The following CSNK1G3 variants were observed in gnomAD, a reference collection of about 807,000 sequenced individuals.
CSNK1G3 encodes casein kinase 1 gamma 3.
In CSNK1G3, 23 loss-of-function variants were observed where a neutral mutation model predicts 64.3. That is an observed-to-expected ratio of 0.36 (90% CI 0.26 to 0.51). The LOEUF is 0.51. CSNK1G3 is among the 20% of genes least tolerant of loss of function. The pLI is 0.96. For synonymous variants in CSNK1G3, 158 were observed against 162.2 expected (o/e 0.97, Z 0.20); for missense variants, 357 against 510.5 (o/e 0.70, Z 2.90).
intron 1 of CSNK1G3, among the ~76,000 whole-genome samples, chr5:123,516,713 A>ATGAG (rs1347301318): frequency 6.6e-6 from 1 of 152,194 alleles, no homozygotes; most frequent in Non-Finnish European, 1.5e-5. Context: ...TTGAAAATTT[A>ATGAG]TGAGTAAGTT....
chr5:123,536,591 T>C (rs1439543344), intron 1 of CSNK1G3, among the ~76,000 whole-genome samples: 1 of 152,026 alleles, frequency 6.6e-6, no homozygotes. Context: ...CATAAATGTT[T>C]GAGATGATGC....
At chr5:123,557,186 A>C (rs1300059075) in intron 3 of CSNK1G3, among the ~76,000 whole-genome samples, 1 of 152,160 alleles carries the variant, frequency 6.6e-6, no homozygotes, top group Non-Finnish European at 1.5e-5. Flanking sequence ...AACAGGAGAA[A>C]TAGCATAAGA....
At chr5:123,564,220 T>A (rs1471038776) in intron 4 of CSNK1G3, among the ~76,000 whole-genome samples, 1 of 152,070 alleles carries the variant, frequency 6.6e-6, no homozygotes, top group Non-Finnish European at 1.5e-5. Context: ...TTATGCATTA[T>A]CAGAAAGAGG....
chr5:123,610,474 A>G (rs770212522), intron 12 of CSNK1G3, among the ~76,000 whole-genome samples: 12 of 152,162 alleles, frequency 7.9e-5, no homozygotes, highest in Admixed American at 5.2e-4. Context: ...ATAGGGAAAC[A>G]TGCTTCAGTT....
rs778808764 is a variant in CSNK1G3, at chr5:123,578,127, G to T, written c.673+2164G>T. On this transcript the variant is annotated intron_variant, in intron 6 of 12. Transcript: ENST00000345990. ...GAATGTTGATGGATATTTGGATTAAGTTTTTGACTTATGAATAAAACTTGT... is the reference window on the plus strand; with the variant it reads ...GAATGTTGATGGATATTTGGATTAATTTTTTGACTTATGAATAAAACTTGT... 8.6e-5 allele frequency among the ~76,000 whole-genome samples: 13 copies of T among 151,864 alleles called. 1 individual carries two copies. The highest frequency in any genetic ancestry group is 2.0e-4 in the Admixed American group (3 of 15,256).
chr5:123,587,202 T>A (rs950129185), intron 6 of CSNK1G3, among the ~76,000 whole-genome samples: 1 of 152,208 alleles, frequency 6.6e-6, no homozygotes, highest in Admixed American at 6.5e-5. Context: ...CTTTGAAAAG[T>A]TTGCTTTTCT....
intron 2 of CSNK1G3, among the ~76,000 whole-genome samples, chr5:123,547,403 TACAC>T (rs943694412): frequency 1.3e-5 from 2 of 152,128 alleles, no homozygotes; most frequent in African/African-American, 2.4e-5. Context: ...TTTGTGTGAA[TACAC>T]ACACATATAT....
chr5:123,599,087 T>A (rs1346385510), intron 10 of CSNK1G3, among the ~76,000 whole-genome samples: 3 of 152,198 alleles, frequency 2.0e-5, no homozygotes, highest in African/African-American at 7.2e-5. Flanking sequence ...TCTAATTCCA[T>A]TTTAGCTATG....
At chr5:123,515,790 T>A (rs370918759) in intron 1 of CSNK1G3, among the ~76,000 whole-genome samples, 1 of 152,156 alleles carries the variant, frequency 6.6e-6, no homozygotes, top group African/African-American at 2.4e-5. Context: ...ATAACTGAAT[T>A]TGTGTTCCCT....
intron 3 of CSNK1G3, among the ~76,000 whole-genome samples, chr5:123,554,077 C>CAAAT (rs1393244817): frequency 2.0e-5 from 3 of 152,066 alleles, no homozygotes; most frequent in African/African-American, 7.2e-5. Context: ...GGAGAAGAGG[C>CAAAT]AAATGGGAGG....
intron 3 of CSNK1G3, among the ~76,000 whole-genome samples, chr5:123,553,968 C>T (rs1421620463): frequency 1.3e-5 from 2 of 152,134 alleles, no homozygotes; most frequent in Middle Eastern, 3.2e-3. Flanking sequence ...TGAGGTTTAG[C>T]ATGGCTTGGT....
chr5:123,555,962 T>C (rs1784547731), intron 3 of CSNK1G3, among the ~76,000 whole-genome samples: 1 of 152,126 alleles, frequency 6.6e-6, no homozygotes, highest in Admixed American at 6.5e-5. Flanking sequence ...TTAAGTACTT[T>C]ATATATAAGA....
rs200913320 is a variant in CSNK1G3 at position 123,545,761 on chromosome 5, C to T, written c.98C>T (p.Ser33Leu). 36 of 1,613,468 alleles carry T rather than the reference C, an allele frequency of 2.2e-5. No homozygotes were observed. Among genetic ancestry groups the T allele is most frequent in the Non-Finnish European group, 2.9e-5 (34 of 1,179,702 alleles). ...AACACTCGAGGAACTGGGTCTTCAT[C>T]GTCTGGAGTTTTAATGGTTGGACCT... The change falls in exon 2 of 13, where the codon TCG becomes TTG. Residue 33 changes from serine (S) to leucine (L), a missense_variant. This residue lies in a region of CSNK1G3 where 42 missense variants were observed against 43.0 expected (regional missense o/e 0.98). Coordinates refer to ENST00000345990, the Ensembl canonical transcript of CSNK1G3.
intron 10 of CSNK1G3, among the ~76,000 whole-genome samples, chr5:123,600,661 A>T (rs1581396109): frequency 6.6e-6 from 1 of 151,978 alleles, no homozygotes; most frequent in Admixed American, 6.6e-5. Flanking sequence ...TTAGGAAGAC[A>T]GTAGTATAAC....
chr5:123,605,273 G>A, intron 11 of CSNK1G3, 66 bp from the exon 13 acceptor site: 1 of 1,371,704 alleles, frequency 7.3e-7, no homozygotes, highest in Non-Finnish European at 1.0e-6. Context: ...ATTTCAATGT[G>A]AGCTGTTTCT....
chr5:123,590,477 C>T (rs1432313687), exon 9 of CSNK1G3: 12 of 1,534,572 alleles, frequency 7.8e-6, no homozygotes, highest in African/African-American at 1.4e-5. Flanking sequence ...ACTATGACTA[C>T]TTAAGAAAGC....
chr5:123,537,532 T>C (rs1285284263), intron 1 of CSNK1G3, among the ~76,000 whole-genome samples: 1 of 152,152 alleles, frequency 6.6e-6, no homozygotes, highest in African/African-American at 2.4e-5. Flanking sequence ...ATGCAATCTA[T>C]GTATGTAACA....
At chr5:123,587,802 C>T (rs1428508166) in intron 6 of CSNK1G3, among the ~76,000 whole-genome samples, 1 of 152,126 alleles carries the variant, frequency 6.6e-6, no homozygotes, top group Non-Finnish European at 1.5e-5. Context: ...CCTGTACTTC[C>T]ATGAATAGAC....
intron 1 of CSNK1G3, among the ~76,000 whole-genome samples, chr5:123,542,912 C>G (rs1473731895): frequency 2.9e-5 from 4 of 138,270 alleles, no homozygotes; most frequent in African/African-American, 5.5e-5. Context: ...GAGTTTTTAG[C>G]TATTATTCGT....
Sources: allele counts gnomAD v4.1 joint callset (sites outside exome capture counted in the v4.1 genomes callset), GRCh38; gene constraint gnomAD v4.1.1; regional missense constraint gnomAD v4.1.1; transcripts MANE v1.5; gene names NCBI Gene and HGNC (gene_info 2026-07-23, HGNC 2026-07-21).